The following ADGRG7 variants were observed in gnomAD, a reference collection of about 807,000 sequenced individuals.
ADGRG7 encodes the protein G-protein coupled receptor 128.
ADGRG7 carries 82 observed loss-of-function variants against 88.6 expected under a neutral mutation model. The ratio of observed to expected loss-of-function variants is 0.93; its 90% CI spans 0.77 to 1.11. The LOEUF is 1.11. Ranked by LOEUF, ADGRG7 falls within the 50% of genes most tolerant of loss-of-function variation. The pLI is 0.00. For synonymous variants in ADGRG7, 381 were observed against 345.2 expected (o/e 1.10, Z -1.15); for missense variants, 945 against 953.4 (o/e 0.99, Z 0.12).
chr3:100,686,019 C>T (rs1336467125), intron 15 of ADGRG7, among the ~76,000 whole-genome samples: 2 of 151,254 alleles, frequency 1.3e-5, no homozygotes, highest in African/African-American at 2.4e-5. Context: ...TATTTCTCCA[C>T]ATCCTCTCCA....
In ADGRG7 at chr3:100,694,927, A is replaced by G. The variant is rs1213127058; in HGVS notation, c.2320A>G (p.Arg774Gly). 2 of 1,614,058 alleles carry G rather than the reference A, an allele frequency of 1.2e-6. No homozygotes were observed. Among genetic ancestry groups the G allele is most frequent in the Non-Finnish European group, 1.7e-6 (2 of 1,180,020 alleles). ...ATTGCCAACCTTACATGAACGCTTTAGGCTACTGGAAACCTCTCCGAGTAC... is the reference window on the plus strand; with the variant it reads ...ATTGCCAACCTTACATGAACGCTTTGGGCTACTGGAAACCTCTCCGAGTAC... ...RSLPTLHERF[R>G]LLETSPSTEE... Residue 774 changes from arginine to glycine, a missense_variant, in exon 16 of 16, where the codon AGG becomes GGG. By Grantham distance (125) the Arg-to-Gly change is moderately radical. Transcript: ENST00000273352.
chr3:100,647,603 C>T (rs985384834), intron 10 of ADGRG7, among the ~76,000 whole-genome samples: 1 of 152,144 alleles, frequency 6.6e-6, no homozygotes, highest in Non-Finnish European at 1.5e-5. Context: ...TTAGCTCTGG[C>T]GTGCAGCTGT....
chr3:100,647,264 G>T (rs903328963), intron 10 of ADGRG7, among the ~76,000 whole-genome samples: 1 of 152,200 alleles, frequency 6.6e-6, no homozygotes. Context: ...CTATGTATTT[G>T]ATCATGGGAA....
At chr3:100,649,495 C>G (rs1204031669) in intron 10 of ADGRG7, among the ~76,000 whole-genome samples, 200 bp from the exon 11 acceptor site, 2 of 152,146 alleles carry the variant, frequency 1.3e-5, no homozygotes, top group Admixed American at 1.3e-4. Context: ...TAATTATTCT[C>G]AAGCCTGTAT....
intron 14 of ADGRG7, 76 bp downstream of exon 14, chr3:100,659,919 A>G (rs1240702825): frequency 3.6e-6 from 5 of 1,379,666 alleles, no homozygotes; most frequent in Admixed American, 4.0e-5. Context: ...ACACATCCAC[A>G]GTTTCAGAAG....
At chr3:100,644,108 C>A (rs1193978081) in intron 8 of ADGRG7, among the ~76,000 whole-genome samples, 1 of 152,012 alleles carries the variant, frequency 6.6e-6, no homozygotes, top group Non-Finnish European at 1.5e-5. Flanking sequence ...TGGTGCCCAC[C>A]ATGTGCTCAC....
chr3:100,627,073 C>A (rs1436320473), intron 1 of ADGRG7, among the ~76,000 whole-genome samples: 5 of 152,042 alleles, frequency 3.3e-5, no homozygotes, highest in South Asian at 4.1e-4. Context: ...CTTTTTCCTG[C>A]GTATTGCACT....
At chr3:100,647,328 G>A (rs532214570) in intron 10 of ADGRG7, among the ~76,000 whole-genome samples, 2 of 152,288 alleles carry the variant, frequency 1.3e-5, no homozygotes, top group South Asian at 4.1e-4. Context: ...TAACTCACAC[G>A]TTCTGAAGCA....
At chr3:100,684,325 A>G (rs1007927719) in intron 15 of ADGRG7, among the ~76,000 whole-genome samples, 7 of 146,468 alleles carry the variant, frequency 4.8e-5, no homozygotes, top group Non-Finnish European at 9.1e-5. Context: ...ATGCAGTGAC[A>G]CAATCACAGC....
At chr3:100,649,025 A>G (rs1005494830) in intron 10 of ADGRG7, among the ~76,000 whole-genome samples, 8 of 152,208 alleles carry the variant, frequency 5.3e-5, no homozygotes, top group African/African-American at 1.7e-4. Context: ...ATTTATGAAA[A>G]TATTTCTGCA....
chr3:100,656,774 A>G (rs1289873820), intron 13 of ADGRG7, among the ~76,000 whole-genome samples: 1 of 79,106 alleles, frequency 1.3e-5, no homozygotes, highest in African/African-American at 4.0e-5. Context: ...CACCAAAGGA[A>G]GGCTGTGGTG....
chr3:100,649,887 G>A, intron 11 of ADGRG7, 80 bp downstream of exon 11: 1 of 758,144 alleles, frequency 1.3e-6, no homozygotes, highest in East Asian at 2.6e-5. Flanking sequence ...CATGAGTAGT[G>A]TCTTTGAACT....
At chr3:100,672,769 G>C (rs1223096651) in intron 15 of ADGRG7, among the ~76,000 whole-genome samples, 1 of 152,062 alleles carries the variant, frequency 6.6e-6, no homozygotes. Context: ...AGCATGATGG[G>C]GTGTTGAATT....
Position 100,657,220 on chromosome 3 carries a change from CT to C in ADGRG7, c.1823+1226del, listed in dbSNP as rs764252907. 1.6e-4 allele frequency among the ~76,000 whole-genome samples: 25 copies of C among 152,178 alleles called. No individual in the cohort carries two copies. The East Asian group carries it at 1.9e-3, about 12-fold the overall frequency. ...GATGTGTGACATAAGCATCTGCCTCCTCCTGAACTTTCTCCCCCACCTTCCA... is the reference window on the plus strand; with the variant it reads ...GATGTGTGACATAAGCATCTGCCTCCCCTGAACTTTCTCCCCCACCTTCCA... On this transcript the variant is annotated intron_variant, in intron 13 of 15. Transcript: ENST00000273352.
At chr3:100,613,180 G>A (rs182503899) in intron 1 of ADGRG7, among the ~76,000 whole-genome samples, 22 of 152,240 alleles carry the variant, frequency 1.4e-4, no homozygotes, top group Non-Finnish European at 2.8e-4. Context: ...GTGAGCCACC[G>A]CACCTGGCCT....
chr3:100,618,948 G>T (rs1436095409), intron 1 of ADGRG7, among the ~76,000 whole-genome samples: 1 of 152,092 alleles, frequency 6.6e-6, no homozygotes, highest in Non-Finnish European at 1.5e-5. Context: ...TTGTAAGTTG[G>T]ATTCCTAGGT....
chr3:100,689,398 G>A (rs528725938), intron 15 of ADGRG7, among the ~76,000 whole-genome samples: 11 of 152,224 alleles, frequency 7.2e-5, no homozygotes, highest in Admixed American at 1.3e-4. Context: ...ATATTGTTAC[G>A]TGTGAATTTG....
At chr3:100,643,880 C>T (rs1707690952) in intron 8 of ADGRG7, among the ~76,000 whole-genome samples, 1 of 152,054 alleles carries the variant, frequency 6.6e-6, no homozygotes, top group Non-Finnish European at 1.5e-5. Context: ...ATGTTCAGGC[C>T]ATGTACACAA....
intron 15 of ADGRG7, among the ~76,000 whole-genome samples, 157 bp downstream of exon 15, chr3:100,669,262 G>A (rs1037219936): frequency 3.3e-5 from 5 of 152,008 alleles, no homozygotes; most frequent in African/African-American, 9.7e-5. Flanking sequence ...TGAGGTGGGC[G>A]GATCACGAGG....
Sources: allele counts gnomAD v4.1 joint callset (sites outside exome capture counted in the v4.1 genomes callset), GRCh38; gene constraint gnomAD v4.1.1; transcripts MANE v1.5; gene names NCBI Gene and HGNC (gene_info 2026-07-23, HGNC 2026-07-21).